AATK: variants seen among roughly 807,000 people sequenced by gnomAD.
AATK encodes lemur tail kinase 1, also known as serine/threonine-protein kinase LMTK1.
In AATK, 91 loss-of-function variants were observed where a neutral mutation model predicts 114.3. The ratio of observed to expected loss-of-function variants is 0.80; its 90% CI spans 0.67 to 0.95. The LOEUF (loss-of-function observed/expected upper bound fraction) is 0.95, where lower values mean the gene tolerates loss of function less well. Among genes scored for constraint, AATK ranks in the 40% least tolerant of loss-of-function variants. AATK has a pLI of 0.00. For missense variants in AATK, 2,176 were observed against 1,965.2 expected, an observed-to-expected ratio of 1.11 and a Z score of -2.03; for synonymous variants, 1,075 against 916.5, an observed-to-expected ratio of 1.17 and a Z score of -3.12.
chr17:81,129,461 C>T (rs886210920), intron 3 of AATK, among the ~76,000 whole-genome samples: 1 of 152,184 alleles, frequency 6.6e-6, no homozygotes, highest in Admixed American at 6.5e-5. Flanking sequence ...CAGCAGGCAG[C>T]CGTCCTTCTC....
At chr17:81,127,516 C>T in intron 6 of AATK, 67 bp downstream of exon 6, 1 of 1,481,880 alleles carries the variant, frequency 6.7e-7, no homozygotes, top group Non-Finnish European at 9.2e-7. Context: ...TGGCACCAGA[C>T]ACTGGCAGGG....
At chr17:81,157,710 A>G (rs1211291808) in intron 1 of AATK, among the ~76,000 whole-genome samples, 1 of 152,158 alleles carries the variant, frequency 6.6e-6, no homozygotes, top group African/African-American at 2.4e-5. Context: ...GCCTACCCCA[A>G]GGCTGGTCCA....
intron 1 of AATK, among the ~76,000 whole-genome samples, chr17:81,153,062 G>C (rs931456818): frequency 2.6e-5 from 4 of 152,088 alleles, no homozygotes; most frequent in African/African-American, 4.8e-5. Context: ...GGCTGGTCTT[G>C]AACTCCCGAC....
intron 1 of AATK, among the ~76,000 whole-genome samples, chr17:81,148,581 G>A (rs974865415): frequency 2.0e-5 from 3 of 152,262 alleles, no homozygotes; most frequent in African/African-American, 7.2e-5. Flanking sequence ...ACCTGGGGAT[G>A]AGCCCCGGGG....
chr17:81,132,188 G>A (rs1281640588), intron 2 of AATK, among the ~76,000 whole-genome samples: 1 of 152,206 alleles, frequency 6.6e-6, no homozygotes, highest in East Asian at 1.9e-4. Context: ...TGAGCACTTG[G>A]TACAGCCTTT....
intron 1 of AATK, among the ~76,000 whole-genome samples, chr17:81,144,574 C>A (rs543508496): frequency 2.0e-5 from 3 of 152,366 alleles, no homozygotes; most frequent in Non-Finnish European, 4.4e-5. Flanking sequence ...TTGAGAGCCG[C>A]CCACCCACTC....
chr17:81,160,076 C>T (rs1041078580), intron 1 of AATK, among the ~76,000 whole-genome samples: 17 of 152,144 alleles, frequency 1.1e-4, no homozygotes, highest in African/African-American at 3.9e-4. Flanking sequence ...CAGGTGGCCC[C>T]GGCTGCCCAG....
At chr17:81,132,696 G>T in intron 2 of AATK, 1 of 331,858 alleles carries the variant, frequency 3.0e-6, no homozygotes, top group East Asian at 9.2e-5. Context: ...GATACAGCGT[G>T]CAATCAGGTA....
chr17:81,137,206 C>T (rs964595438), intron 1 of AATK, among the ~76,000 whole-genome samples: 10 of 151,072 alleles, frequency 6.6e-5, no homozygotes, highest in Non-Finnish European at 1.2e-4. Context: ...TGCAGTGAGC[C>T]GAGATTGCAC....
chr17:81,155,392 TATTA>T (rs796807945), intron 1 of AATK, among the ~76,000 whole-genome samples: 2 of 72,994 alleles, frequency 2.7e-5, no homozygotes, highest in African/African-American at 1.5e-4. Flanking sequence ...TTATTATTAT[TATTA>T]TTATTTTTTG....
At chr17:81,140,259 C>T (rs2061102633) in intron 1 of AATK, among the ~76,000 whole-genome samples, 1 of 152,212 alleles carries the variant, frequency 6.6e-6, no homozygotes. Context: ...GGGCCTTCAC[C>T]CCCACTTGCT....
At chr17:81,135,438 C>T (rs537591324) in intron 1 of AATK, among the ~76,000 whole-genome samples, 72 of 152,264 alleles carry the variant, frequency 4.7e-4, no homozygotes, top group Non-Finnish European at 4.1e-4. Context: ...GCTTTCTGTC[C>T]GGCTGCCCTC....
intron 1 of AATK, among the ~76,000 whole-genome samples, chr17:81,135,394 C>T (rs1460477467): frequency 6.6e-6 from 1 of 152,138 alleles, no homozygotes; most frequent in Non-Finnish European, 1.5e-5. Context: ...CCCGTCCCAC[C>T]GCACCCAGCT....
chr17:81,131,821 C>T (rs2060937187), intron 2 of AATK: 6 of 1,289,812 alleles, frequency 4.7e-6, no homozygotes, highest in Non-Finnish European at 6.1e-6. Flanking sequence ...TTAAGTGCCC[C>T]CACCCCTGCC....
rs879536289 is a variant in AATK, at chr17:81,119,188, G to GCTAGGTC, written c.4084+191_4084+192insGACCTAG. 6.3e-3 allele frequency among the ~76,000 whole-genome samples: 881 copies of GCTAGGTC among 140,476 alleles called. 3 individuals carry two copies. The highest frequency in any genetic ancestry group is 0.015 in the South Asian group (61 of 3,966). The allele number at this position is 140,476 out of a possible 152,430, so 92.2% of individuals were successfully genotyped here. Reference sequence around the variant, plus strand: ...CAGGTGAGGGTCAGGTGAGGGTCAGGTGAGGGCCAGGCGAGGGCCAGGCGG... The same window carrying GCTAGGTC: ...CAGGTGAGGGTCAGGTGAGGGTCAGGCTAGGTCTGAGGGCCAGGCGAGGGCCAGGCGG... On this transcript the variant is annotated intron_variant, in intron 13 of 13. Coordinates refer to ENST00000326724, the MANE Select transcript of AATK (RefSeq NM_001080395.3).
At chr17:81,148,277 A>G (rs1224985892) in intron 1 of AATK, among the ~76,000 whole-genome samples, 2 of 152,190 alleles carry the variant, frequency 1.3e-5, no homozygotes, top group African/African-American at 4.8e-5. Flanking sequence ...CTGCCCTTAC[A>G]GAGCCGCGCT....
intron 12 of AATK, 47 bp from the exon 13 acceptor site, chr17:81,119,627 C>A: frequency 6.6e-7 from 1 of 1,508,938 alleles, no homozygotes. Flanking sequence ...CCTGGGACCC[C>A]GGCCCGGCCC....
At chr17:81,118,969 C>T (rs988220051) in intron 13 of AATK, among the ~76,000 whole-genome samples, 1 of 152,154 alleles carries the variant, frequency 6.6e-6, no homozygotes, top group Non-Finnish European at 1.5e-5. Flanking sequence ...TGGCCGGGAG[C>T]GGTGGCTCAG....
intron 1 of AATK, among the ~76,000 whole-genome samples, chr17:81,142,921 G>C (rs528289520): frequency 2.6e-5 from 4 of 152,362 alleles, no homozygotes; most frequent in Admixed American, 2.6e-4. Flanking sequence ...TACACACGCA[G>C]TGGAAAGGAC....
Sources: gnomAD v4.1 joint callset for allele counts (sites outside exome capture counted in the v4.1 genomes callset) on GRCh38, gnomAD v4.1.1 for gene constraint, MANE v1.5 for transcripts, NCBI Gene and HGNC (gene_info 2026-07-23, HGNC 2026-07-21) for gene names.